The following LIPN variants were observed in gnomAD, a reference collection of about 807,000 sequenced individuals.
LIPN encodes the protein lipase member N.
In LIPN, 32 loss-of-function variants were observed where a neutral mutation model predicts 43.7. The ratio of observed to expected loss-of-function variants is 0.73; its 90% confidence interval spans 0.55 to 0.98. The LOEUF (loss-of-function observed/expected upper bound fraction) is 0.98. Among genes scored for constraint, LIPN ranks in the 50% least tolerant of loss-of-function variants. The probability of loss-of-function intolerance (pLI) is 0.00; values close to 1 mark genes in which losing one functional copy is unlikely to be tolerated. For missense variants in LIPN, 505 were observed against 483.8 expected (o/e 1.04, Z -0.41); for synonymous variants, 156 against 157.6 (o/e 0.99, Z 0.08).
At chr10:88,771,392 T>G (rs1226156821) in intron 7 of LIPN, among the ~76,000 whole-genome samples, 1 of 151,808 alleles carries the variant, frequency 6.6e-6, no homozygotes, top group African/African-American at 2.4e-5. Context: ...CATTAACCAA[T>G]GCCTCTTTAT....
chr10:88,778,087 A>G lies in LIPN; in HGVS notation c.1042A>G (p.Thr348Ala). The G allele has an allele frequency of 6.2e-7, 1 of 1,613,578 alleles. No individual in the cohort carries two copies. The change falls in exon 10 of 10, where the codon ACA (threonine) becomes GCA (alanine). Residue 348 changes from threonine to alanine, a missense_variant. Physicochemically the swap from Thr to Ala is moderately conservative, Grantham distance 58. Transcript: ENST00000404459. ...GGCTGGTGGACATGATGTCCTCGTAACACCCCAGGATGTGGCCAGGATACT... is the reference window on the plus strand; with the variant it reads ...GGCTGGTGGACATGATGTCCTCGTAGCACCCCAGGATGTGGCCAGGATACT... Reference protein sequence around the residue: ...IWAGGHDVLVTPQDVARILPQ... With the variant: ...IWAGGHDVLVAPQDVARILPQ...
At chr10:88,758,831 A>C (rs1383311153), upstream of LIPN, among the ~76,000 whole-genome samples, 2 of 152,082 alleles carry the variant, frequency 1.3e-5, no homozygotes, top group East Asian at 3.9e-4. Flanking sequence ...CTAGCCTACA[A>C]TCTGTAAAGA....
chr10:88,776,321 T>G (rs1843295439), intron 9 of LIPN, among the ~76,000 whole-genome samples: 1 of 152,006 alleles, frequency 6.6e-6, no homozygotes, highest in African/African-American at 2.4e-5. Flanking sequence ...ATTTTGGACT[T>G]TACATATGTC....
At chr10:88,759,432 C>T (rs1398172221), upstream of LIPN, among the ~76,000 whole-genome samples, 5 of 152,054 alleles carry the variant, frequency 3.3e-5, no homozygotes, top group Admixed American at 6.6e-5. Flanking sequence ...GGTAAATTGT[C>T]GTTATTTGGC....
chr10:88,762,402 A>G (rs1015170487), intron 3 of LIPN, 97 bp downstream of exon 3: 6 of 748,872 alleles, frequency 8.0e-6, no homozygotes, highest in East Asian at 5.4e-5. Context: ...GTTTATCAAA[A>G]TTGGTTTGAA....
intron 6 of LIPN, 38 bp downstream of exon 6, chr10:88,768,966 T>G (rs1295525053): frequency 6.3e-7 from 1 of 1,577,236 alleles, no homozygotes; most frequent in African/African-American, 1.4e-5. Flanking sequence ...GAGGATCTCA[T>G]TTTGGATCAT....
rs1299637047 is a variant in LIPN, at chr10:88,764,412, C to A, written c.229C>A (p.Pro77Thr). ...YGRTHARSTG[P>T]RPVVYMQHAL... ...CATCTTACCCTTTCCCCCACCAGGT[C>A]CCCGGCCAGTTGTGTATATGCAGCA... The change falls in exon 4 of 10, where the codon CCC becomes ACC. Residue 77 changes from proline (P) to threonine (T), a missense_variant and splice_region_variant. Transcript: ENST00000404459. 1.2e-6 allele frequency: 2 copies of A among 1,607,610 alleles called. No homozygotes were observed. The highest frequency in any genetic ancestry group is 1.1e-5 in the South Asian group (1 of 90,072).
chr10:88,757,966 G>A (rs1842947394), upstream of LIPN, among the ~76,000 whole-genome samples: 1 of 151,908 alleles, frequency 6.6e-6, no homozygotes, highest in Non-Finnish European at 1.5e-5. Flanking sequence ...AAAAGTGTGA[G>A]GTTCAAATTA....
intron 9 of LIPN, among the ~76,000 whole-genome samples, chr10:88,777,127 C>T (rs1462511563): frequency 1.3e-5 from 2 of 152,030 alleles, no homozygotes; most frequent in African/African-American, 4.8e-5. Flanking sequence ...CTTTTAATTG[C>T]CAAATTCAAT....
Position 88,779,363 on chromosome 10 carries a change from A to C in LIPN, c.*1121A>C, listed in dbSNP as rs538627575. 6.6e-6 allele frequency among the ~76,000 whole-genome samples: 1 copy of C among 152,294 alleles called. No individual in the cohort carries two copies. Among genetic ancestry groups the C allele is most frequent in the Admixed American group, 6.6e-5 (1 of 15,252 alleles). Reference sequence around the variant, plus strand: ...AAATCCACAAGCTGCTGGCCCCTGGAGCCATTCTTCTCTCAAAACTAGCAT... The same window carrying C: ...AAATCCACAAGCTGCTGGCCCCTGGCGCCATTCTTCTCTCAAAACTAGCAT... On this transcript the variant is annotated 3_prime_UTR_variant, in exon 10 of 10. Transcript: ENST00000404459.
chr10:88,758,032 T>G (rs1842947796), upstream of LIPN, among the ~76,000 whole-genome samples: 1 of 152,290 alleles, frequency 6.6e-6, no homozygotes, highest in African/African-American at 2.4e-5. Flanking sequence ...CCTAACCTTT[T>G]TAACTTTGAG....
intron 1 of LIPN, 27 bp from the exon 2 acceptor site, chr10:88,761,371 C>T: frequency 8.0e-7 from 1 of 1,250,090 alleles, no homozygotes; most frequent in Non-Finnish European, 1.2e-6. Flanking sequence ...TAAAATTAAT[C>T]TGTGAATATT....
intron 5 of LIPN, among the ~76,000 whole-genome samples, chr10:88,767,041 G>A (rs425028): frequency 0.19 from 29,160 of 151,750 alleles, 2,811 homozygotes; most frequent in Non-Finnish European, 0.21. Flanking sequence ...TACTTTCCAG[G>A]TATTTTGGAA....
intron 8 of LIPN, 35 bp downstream of exon 8, chr10:88,774,579 T>C: frequency 6.6e-7 from 1 of 1,508,966 alleles, no homozygotes; most frequent in Non-Finnish European, 9.2e-7. Context: ...ATTCCAATCC[T>C]TATTTTCAAT....
chr10:88,767,644 C>CAAAAAAAAAAAAAAAAA (rs61646268), intron 5 of LIPN, among the ~76,000 whole-genome samples: 2 of 61,522 alleles, frequency 3.3e-5, no homozygotes, highest in Non-Finnish European at 6.0e-5. Context: ...ACTTGATCTG[C>CAAAAAAAAAAAAAAAAA]AAAAAAAAAA....
At position 88,771,156 on chromosome 10, in the gene LIPN, T is replaced by C. The variant is rs923980416; in HGVS notation, c.819+165T>C. Among the ~76,000 whole-genome samples, 15 of 151,848 alleles carry C rather than the reference T, an allele frequency of 9.9e-5. 1 individual carries two copies. Among genetic ancestry groups the C allele is most frequent in the African/African-American group, 3.6e-4 (15 of 41,400 alleles). ...AATGTTTATGGGTATATAATAGTTGTACATATTTATGAGACACATATATTT... is the reference window on the plus strand; with the variant it reads ...AATGTTTATGGGTATATAATAGTTGCACATATTTATGAGACACATATATTT... On this transcript the variant is annotated intron_variant, in intron 7 of 9. Transcript: ENST00000404459.
At chr10:88,772,863 A>G (rs1321793302) in intron 7 of LIPN, among the ~76,000 whole-genome samples, 4 of 144,248 alleles carry the variant, frequency 2.8e-5, no homozygotes, top group Non-Finnish European at 4.6e-5. Context: ...CTTAAAAAAA[A>G]AGAAAGAAAA....
intron 6 of LIPN, 125 bp from the exon 7 acceptor site, chr10:88,770,720 C>T: frequency 3.6e-6 from 2 of 553,900 alleles, no homozygotes; most frequent in Non-Finnish European, 6.3e-6. Context: ...GCTATTTGGG[C>T]TTGTTGTCCT....
At chr10:88,768,761 T>C (rs1171287090) in intron 5 of LIPN, 31 bp from the exon 6 acceptor site, 1 of 1,594,634 alleles carries the variant, frequency 6.3e-7, no homozygotes, top group Admixed American at 1.7e-5. Context: ...TATTTATTTT[T>C]ACAAGATTGT....
Sources: gnomAD v4.1 joint callset for allele counts (sites outside exome capture counted in the v4.1 genomes callset) on GRCh38, gnomAD v4.1.1 for gene constraint, MANE v1.5 for transcripts, NCBI Gene and HGNC (gene_info 2026-07-23, HGNC 2026-07-21) for gene names.